The following TNIK variants were observed in gnomAD, a reference collection of about 807,000 sequenced individuals.
The protein encoded by TNIK is TRAF2 and NCK interacting kinase.
In TNIK, 49 loss-of-function variants were observed where a neutral mutation model predicts 191.3. The ratio of observed to expected loss-of-function variants is 0.26; its 90% CI spans 0.20 to 0.32. The LOEUF is 0.32. Ranked by LOEUF, TNIK falls within the 10% of genes least tolerant of loss-of-function variation. The pLI is 1.00. For missense variants in TNIK, 1,155 were observed against 1,702.3 expected, an observed-to-expected ratio of 0.68 and a Z score of 5.66; for synonymous variants, 594 against 600.9, an observed-to-expected ratio of 0.99 and a Z score of 0.17.
At chr3:171,168,599 A>G (rs1022082535) in intron 9 of TNIK, among the ~76,000 whole-genome samples, 1 of 152,086 alleles carries the variant, frequency 6.6e-6, no homozygotes, top group African/African-American at 2.4e-5. Context: ...TTTCCGCTCT[A>G]AATTTCTAAG....
Position 171,414,702 on chromosome 3 carries a change from A to G in TNIK, c.58-45017T>C, listed in dbSNP as rs572885898. On this transcript the variant is annotated intron_variant, in intron 1 of 32. Coordinates refer to ENST00000436636, the MANE Select transcript of TNIK (RefSeq NM_015028.4). ...CACCACAGGATTTAAAACTATTCGC[A>G]TATCTTTACAAAGAGATACCCAGCT... Among the ~76,000 whole-genome samples the G allele has an allele frequency of 2.6e-5, 4 of 152,314 alleles. No homozygotes were observed. In the South Asian group the frequency reaches 8.3e-4, roughly 32 times the overall value.
rs13059009 is a variant in TNIK at position 171,459,190 on chromosome 3, A to G, written c.57+817T>C. On this transcript the variant is annotated intron_variant, in intron 1 of 32. Transcript: ENST00000436636. ...GCTGGGGGGAGGGAGGTGCTCTACA[A>G]AGGACTGGCCACAGACACGGGGAAA... 6.3e-3 allele frequency among the ~76,000 whole-genome samples: 958 copies of G among 152,126 alleles called. 4 individuals carry two copies. The highest frequency in any genetic ancestry group is 0.012 in the South Asian group (60 of 4,812).
intron 2 of TNIK, among the ~76,000 whole-genome samples, chr3:171,316,245 A>C (rs534573157): frequency 3.3e-5 from 5 of 152,270 alleles, no homozygotes; most frequent in Admixed American, 6.5e-5. Flanking sequence ...TCAAGAAATA[A>C]TCGTTGAATG....
chr3:171,091,867 T>G (rs1223266199), intron 23 of TNIK, among the ~76,000 whole-genome samples: 1 of 152,110 alleles, frequency 6.6e-6, no homozygotes, highest in Non-Finnish European at 1.5e-5. Context: ...GAATTGGAAA[T>G]TGAGAGGACA....
chr3:171,136,846 C>T (rs1458422305), intron 15 of TNIK, among the ~76,000 whole-genome samples: 1 of 151,990 alleles, frequency 6.6e-6, no homozygotes, highest in African/African-American at 2.4e-5. Context: ...ATTAAGGGGT[C>T]GATGCTGTAC....
chr3:171,239,225 T>C (rs1378927358), intron 2 of TNIK, among the ~76,000 whole-genome samples: 1 of 152,216 alleles, frequency 6.6e-6, no homozygotes, highest in Admixed American at 6.5e-5. Flanking sequence ...ATATATTATT[T>C]TGTTTGATTA....
intron 13 of TNIK, among the ~76,000 whole-genome samples, chr3:171,140,178 G>C (rs950977087): frequency 6.6e-6 from 1 of 152,220 alleles, no homozygotes; most frequent in African/African-American, 2.4e-5. Flanking sequence ...GAAGATCCGG[G>C]TATGTCAGGG....
intron 2 of TNIK, among the ~76,000 whole-genome samples, chr3:171,362,681 G>C (rs1474423708): frequency 6.6e-6 from 1 of 152,142 alleles, no homozygotes; most frequent in African/African-American, 2.4e-5. Flanking sequence ...TTTTATACTT[G>C]AGTTTTCATT....
At chr3:171,363,449 T>G (rs1300142002) in intron 2 of TNIK, among the ~76,000 whole-genome samples, 1 of 152,194 alleles carries the variant, frequency 6.6e-6, no homozygotes, top group Non-Finnish European at 1.5e-5. Flanking sequence ...ACAGGGCTTT[T>G]TTCATGGGCA....
intron 1 of TNIK, among the ~76,000 whole-genome samples, chr3:171,436,281 C>T (rs1255469683): frequency 6.6e-6 from 1 of 152,182 alleles, no homozygotes; most frequent in Non-Finnish European, 1.5e-5. Context: ...CCTTGTAAAC[C>T]TACATATACC....
At chr3:171,438,172 G>T (rs1036916909) in intron 1 of TNIK, among the ~76,000 whole-genome samples, 7 of 152,174 alleles carry the variant, frequency 4.6e-5, no homozygotes, top group African/African-American at 1.4e-4. Flanking sequence ...CTAAAGGGGA[G>T]ATAGAAGAGC....
Position 171,323,605 on chromosome 3 carries a change from G to A in TNIK, c.123+46015C>T, listed in dbSNP as rs77733745. ...ACCCCAATATGTTCATTACAATTTCGCGAACCTATGAAAGTACATATCAGG... is the reference window on the plus strand; with the variant it reads ...ACCCCAATATGTTCATTACAATTTCACGAACCTATGAAAGTACATATCAGG... On this transcript the variant is annotated intron_variant, in intron 2 of 32. Coordinates refer to ENST00000436636, the MANE Select transcript of TNIK (RefSeq NM_015028.4). Among the ~76,000 whole-genome samples the A allele has an allele frequency of 8.7e-3, 1,318 of 152,194 alleles. 22 individuals are homozygous for A. The highest frequency in any genetic ancestry group is 0.029 in the African/African-American group (1,204 of 41,504).
chr3:171,246,988 A>G (rs1249022148), intron 2 of TNIK, among the ~76,000 whole-genome samples: 1 of 152,244 alleles, frequency 6.6e-6, no homozygotes, highest in East Asian at 1.9e-4. Context: ...AAGTAAAGGC[A>G]CTGGCCAATG....
intron 18 of TNIK, among the ~76,000 whole-genome samples, chr3:171,117,767 G>A (rs1042079126): frequency 5.3e-5 from 8 of 152,184 alleles, no homozygotes; most frequent in African/African-American, 1.4e-4. Context: ...TCAGGAGATC[G>A]AGATCATCCT....
At chr3:171,249,708 T>A (rs1212946011) in intron 2 of TNIK, among the ~76,000 whole-genome samples, 1 of 152,170 alleles carries the variant, frequency 6.6e-6, no homozygotes, top group East Asian at 1.9e-4. Flanking sequence ...ACGATATATA[T>A]TAAGTGAGGA....
At chr3:171,122,760 C>G (rs1727931578) in intron 18 of TNIK, among the ~76,000 whole-genome samples, 1 of 152,168 alleles carries the variant, frequency 6.6e-6, no homozygotes, top group South Asian at 2.1e-4. Flanking sequence ...CAATCACATC[C>G]TTTTTATAGC....
At chr3:171,238,818 G>GAACA (rs1744617057) in intron 2 of TNIK, among the ~76,000 whole-genome samples, 1 of 152,202 alleles carries the variant, frequency 6.6e-6, no homozygotes, top group Non-Finnish European at 1.5e-5. Flanking sequence ...AGGCACAGCA[G>GAACA]ACGACGAATT....
chr3:171,258,662 CA>C (rs1560332907), intron 2 of TNIK, among the ~76,000 whole-genome samples: 1 of 152,072 alleles, frequency 6.6e-6, no homozygotes, highest in Non-Finnish European at 1.5e-5. Context: ...AAGTCAGGCC[CA>C]ATTTAGGACT....
Position 171,072,129 on chromosome 3 carries a change from A to G in TNIK, c.3449-806T>C, listed in dbSNP as rs146961204. On this transcript the variant is annotated intron_variant, in intron 28 of 32. Coordinates refer to ENST00000436636, the MANE Select transcript of TNIK (RefSeq NM_015028.4). ...GGTGATGACCTTGAGAAATTGAACA[A>G]TCCTTTAAGTGCCTTCTGAATCTTT... Among the ~76,000 whole-genome samples, 1,487 of 152,244 alleles carry G rather than the reference A, an allele frequency of 9.8e-3. 8 individuals are homozygous for G. The highest frequency in any genetic ancestry group is 0.024 in the Middle Eastern group (7 of 294).
Sources: gnomAD v4.1 joint callset for allele counts (sites outside exome capture counted in the v4.1 genomes callset) on GRCh38, gnomAD v4.1.1 for gene constraint, MANE v1.5 for transcripts, NCBI Gene and HGNC (gene_info 2026-07-23, HGNC 2026-07-21) for gene names.